The following ADAMTS12 variants were observed in gnomAD, a reference collection of about 807,000 sequenced individuals.
ADAMTS12 encodes A disintegrin and metalloproteinase with thrombospondin motifs 12.
In ADAMTS12, 118 loss-of-function variants were observed where a neutral mutation model predicts 167.8. The ratio of observed to expected loss-of-function variants is 0.70; its 90% CI spans 0.61 to 0.82. The LOEUF (loss-of-function observed/expected upper bound fraction) is 0.82, where lower values mean the gene tolerates loss of function less well. Ranked by LOEUF, ADAMTS12 falls within the 40% of genes least tolerant of loss-of-function variation. ADAMTS12 has a pLI of 0.00. For synonymous variants in ADAMTS12, 704 were observed against 716.9 expected, an observed-to-expected ratio of 0.98 and a Z score of 0.29; for missense variants, 1,916 against 1,998.8, an observed-to-expected ratio of 0.96 and a Z score of 0.79.
At chr5:33,654,174 T>C (rs1344006497) in intron 7 of ADAMTS12, among the ~76,000 whole-genome samples, 1 of 152,212 alleles carries the variant, frequency 6.6e-6, no homozygotes, top group Non-Finnish European at 1.5e-5. Context: ...ATGTCTTTTA[T>C]TTCTTAGCTG....
chr5:33,862,368 A>G (rs1297490392), intron 2 of ADAMTS12, among the ~76,000 whole-genome samples: 1 of 151,936 alleles, frequency 6.6e-6, no homozygotes, highest in Non-Finnish European at 1.5e-5. Context: ...GGATATCACC[A>G]CTGATCCCAC....
intron 18 of ADAMTS12, among the ~76,000 whole-genome samples, chr5:33,584,311 T>A (rs527498707): frequency 6.6e-6 from 1 of 152,290 alleles, no homozygotes; most frequent in African/African-American, 2.4e-5. Context: ...AATTAAATAT[T>A]GATTTCTGAT....
chr5:33,795,678 G>T (rs1426260100), intron 2 of ADAMTS12, among the ~76,000 whole-genome samples: 1 of 152,162 alleles, frequency 6.6e-6, no homozygotes, highest in Non-Finnish European at 1.5e-5. Flanking sequence ...GAGCTGGGAT[G>T]TGGGAGCCAT....
At chr5:33,727,022 C>T (rs572893168) in intron 3 of ADAMTS12, among the ~76,000 whole-genome samples, 61 of 152,232 alleles carry the variant, frequency 4.0e-4, no homozygotes, top group African/African-American at 1.4e-3. Flanking sequence ...AATCTCTAGT[C>T]GAGTCAGCTC....
At chr5:33,554,697 T>C (rs1481360107) in intron 20 of ADAMTS12, among the ~76,000 whole-genome samples, 1 of 152,220 alleles carries the variant, frequency 6.6e-6, no homozygotes, top group East Asian at 1.9e-4. Flanking sequence ...TTGTCTGTAT[T>C]TAGCAAAACA....
chr5:33,575,807 T>C (rs539672606), intron 19 of ADAMTS12, among the ~76,000 whole-genome samples: 20 of 152,196 alleles, frequency 1.3e-4, no homozygotes, highest in Non-Finnish European at 2.2e-4. Context: ...TTGGGTCAGG[T>C]AGAATCAGAT....
At position 33,809,282 on chromosome 5, in the gene ADAMTS12, C is replaced by T. The variant is rs183782346; in HGVS notation, c.490-57734G>A. On this transcript the variant is annotated intron_variant, in intron 2 of 23. Transcript: ENST00000504830. ...GATTCTGGTGCTGCCGGTCCTTGGA[C>T]CACAGTTTGAGTAGCAAGAGTTTAG... 1.2e-4 allele frequency among the ~76,000 whole-genome samples: 19 copies of T among 152,280 alleles called. No individual in the cohort carries two copies. In the South Asian group the frequency reaches 1.5e-3, roughly 12 times the overall value.
intron 3 of ADAMTS12, among the ~76,000 whole-genome samples, chr5:33,736,877 C>A (rs1744394513): frequency 6.6e-6 from 1 of 152,170 alleles, no homozygotes; most frequent in African/African-American, 2.4e-5. Context: ...TCAATGGCTT[C>A]CAGCAAGTTC....
At chr5:33,720,280 T>TCACA (rs201402268) in intron 3 of ADAMTS12, among the ~76,000 whole-genome samples, 1,965 of 62,380 alleles carry the variant, frequency 0.032, 42 homozygotes, top group East Asian at 0.12. Context: ...TCTCTCTCTC[T>TCACA]CACTCACACA....
chr5:33,850,189 G>A (rs1327207277), intron 2 of ADAMTS12, among the ~76,000 whole-genome samples: 1 of 152,122 alleles, frequency 6.6e-6, no homozygotes, highest in East Asian at 1.9e-4. Flanking sequence ...CTAATGGTCC[G>A]TCACCTGCAC....
intron 3 of ADAMTS12, among the ~76,000 whole-genome samples, chr5:33,687,813 A>G (rs1469405599): frequency 4.6e-5 from 7 of 152,246 alleles, no homozygotes; most frequent in Middle Eastern, 3.4e-3. Flanking sequence ...CAGAAAGTAC[A>G]AGAAACCAGC....
rs150207884 is a variant in ADAMTS12 at position 33,739,424 on chromosome 5, T to C, written c.634+11980A>G. Among the ~76,000 whole-genome samples, 499 of 152,132 alleles carry C rather than the reference T, an allele frequency of 3.3e-3. 2 individuals are homozygous for C. The highest frequency in any genetic ancestry group is 0.012 in the African/African-American group (477 of 41,474). Reference sequence around the variant, plus strand: ...TGACACTACTCAAATGCATGTGGAGTCTTTTTAACCAAATACCACATTTCA... The same window carrying C: ...TGACACTACTCAAATGCATGTGGAGCCTTTTTAACCAAATACCACATTTCA... On this transcript the variant is annotated intron_variant, in intron 3 of 23. Transcript: ENST00000504830.
intron 13 of ADAMTS12, among the ~76,000 whole-genome samples, 171 bp from the exon 14 acceptor site, chr5:33,624,522 CCAATGGTAAAGGCACTA>C (rs1186415906): frequency 6.6e-6 from 1 of 152,226 alleles, no homozygotes; most frequent in African/African-American, 2.4e-5. Context: ...CAAGCATCCA[CCAATGGTAAAGGCACTA>C]CTTGCTCAGA....
chr5:33,766,782 G>A (rs181649576), intron 2 of ADAMTS12, among the ~76,000 whole-genome samples: 8 of 152,230 alleles, frequency 5.3e-5, no homozygotes, highest in East Asian at 3.9e-4. Flanking sequence ...AAATTATCCC[G>A]TAGTAAAATT....
At chr5:33,878,886 G>A (rs1203850161) in intron 2 of ADAMTS12, among the ~76,000 whole-genome samples, 2 of 152,130 alleles carry the variant, frequency 1.3e-5, no homozygotes, top group Non-Finnish European at 2.9e-5. Context: ...GGTTAACAAC[G>A]ACTACTCTAG....
intron 2 of ADAMTS12, among the ~76,000 whole-genome samples, chr5:33,796,297 A>C (rs1267909919): frequency 6.6e-6 from 1 of 152,232 alleles, no homozygotes; most frequent in African/African-American, 2.4e-5. Context: ...TACTGTGCAA[A>C]CTTTAGAACA....
At chr5:33,826,915 A>C (rs2112511861) in intron 2 of ADAMTS12, among the ~76,000 whole-genome samples, 1 of 152,230 alleles carries the variant, frequency 6.6e-6, no homozygotes, top group East Asian at 1.9e-4. Context: ...TGGGCTTCTT[A>C]GTAAAATACC....
At chr5:33,703,209 G>A (rs1478325767) in intron 3 of ADAMTS12, among the ~76,000 whole-genome samples, 4 of 152,174 alleles carry the variant, frequency 2.6e-5, no homozygotes, top group Non-Finnish European at 5.9e-5. Flanking sequence ...TACCCCTGGA[G>A]GGTGAATTTT....
At position 33,576,748 on chromosome 5, in the gene ADAMTS12, G is replaced by A; in HGVS notation, c.3278C>T (p.Thr1093Ile). Residue 1093 changes from threonine to isoleucine, a missense_variant, in exon 19 of 24, where the codon ACT becomes ATT. Coordinates refer to ENST00000504830, the MANE Select transcript of ADAMTS12 (RefSeq NM_030955.4). Reference sequence around the variant, plus strand: ...TGGCTGAATGCTCAAGGATTGGGAAGTGAGGATGGGCTGGGAAGTGCTTCC... The same window carrying A: ...TGGCTGAATGCTCAAGGATTGGGAAATGAGGATGGGCTGGGAAGTGCTTCC... Reference protein sequence around the residue: ...STGSTSQPILTSQSLSIQPSE... With the variant: ...STGSTSQPILISQSLSIQPSE... The A allele has an allele frequency of 6.2e-7, 1 of 1,614,250 alleles. No homozygotes were observed. Among genetic ancestry groups the A allele is most frequent in the South Asian group, 1.1e-5 (1 of 91,092 alleles).
Sources: allele counts gnomAD v4.1 joint callset (sites outside exome capture counted in the v4.1 genomes callset), GRCh38; gene constraint gnomAD v4.1.1; transcripts MANE v1.5; gene names NCBI Gene and HGNC (gene_info 2026-07-23, HGNC 2026-07-21).